Variants in SH3PXD2A observed in about 807,000 individuals in gnomAD.
SH3PXD2A encodes the protein SH3 and PX domain-containing protein 2A.
Under a neutral mutation model 115.2 loss-of-function variants are expected in SH3PXD2A, and 32 were observed. The observed-to-expected ratio is 0.28, with a 90% CI of 0.21 to 0.37. The LOEUF (loss-of-function observed/expected upper bound fraction) is 0.37. Ranked by LOEUF, SH3PXD2A falls within the 10% of genes least tolerant of loss-of-function variation. SH3PXD2A has a pLI of 1.00. For missense variants in SH3PXD2A, 1,328 were observed against 1,498.7 expected, an observed-to-expected ratio of 0.89 and a Z score of 1.88; for synonymous variants, 610 against 629.1, an observed-to-expected ratio of 0.97 and a Z score of 0.45.
At chr10:103,789,587 C>A (rs1307274717) in intron 2 of SH3PXD2A, among the ~76,000 whole-genome samples, 1 of 152,272 alleles carries the variant, frequency 6.6e-6, no homozygotes, top group East Asian at 1.9e-4. Context: ...CAAAGATCCC[C>A]CTTCCCTTCA....
intron 1 of SH3PXD2A, among the ~76,000 whole-genome samples, chr10:103,815,754 T>A (rs866667824): frequency 4.0e-5 from 6 of 151,584 alleles, no homozygotes; most frequent in African/African-American, 1.5e-4. Context: ...CTGGGTGTGG[T>A]GGCACACGCC....
intron 11 of SH3PXD2A, among the ~76,000 whole-genome samples, chr10:103,615,300 C>G (rs2036494516): frequency 1.3e-5 from 2 of 152,198 alleles, no homozygotes; most frequent in African/African-American, 4.8e-5. Flanking sequence ...GCCCCGAGTG[C>G]TGTATTTGTG....
chr10:103,637,951 C>T (rs536673258), intron 8 of SH3PXD2A, among the ~76,000 whole-genome samples: 22 of 152,334 alleles, frequency 1.4e-4, no homozygotes, highest in African/African-American at 4.6e-4. Context: ...AGGCTGTCTG[C>T]GAGTGCTGTG....
rs1434198709 is a variant in SH3PXD2A, at chr10:103,665,401, C to A, written c.472+3207G>T. Among the ~76,000 whole-genome samples, 2 of 152,130 alleles carry A rather than the reference C, an allele frequency of 1.3e-5. No individual in the cohort carries two copies. Among genetic ancestry groups the A allele is most frequent in the Non-Finnish European group, 2.9e-5 (2 of 68,010 alleles). On this transcript the variant is annotated intron_variant, in intron 7 of 14. Transcript: ENST00000369774. The surrounding 1 kb of genome is among the most constrained non-coding windows in gnomAD (Gnocchi z 4.0). The stretch of plus-strand genomic sequence containing the variant: ...CCACTTTCCTGGAAAATTGGCCTGA[C>A]CTTCCTGAAGGCTGACTCTCTGGGA...
rs1008662760 is a variant in SH3PXD2A at position 103,853,728 on chromosome 10, C to A, written c.72+1467G>T. On this transcript the variant is annotated intron_variant, in intron 1 of 14. Coordinates refer to ENST00000369774, the MANE Select transcript of SH3PXD2A (RefSeq NM_001394015.1). ...AAACGCACCTGCCTGGGTCTCAGAG[C>A]AGAGTGCCATCTGTTGAATGCAGTG... Among the ~76,000 whole-genome samples the A allele has an allele frequency of 2.0e-5, 3 of 152,226 alleles. No individual in the cohort carries two copies. In the South Asian group the frequency reaches 6.2e-4, roughly 32 times the overall value.
intron 1 of SH3PXD2A, among the ~76,000 whole-genome samples, chr10:103,848,596 G>A (rs1442917548): frequency 6.6e-6 from 1 of 151,956 alleles, no homozygotes; most frequent in African/African-American, 2.4e-5. Context: ...ATCCACCCTC[G>A]GCTTTGCCCA....
intron 3 of SH3PXD2A, among the ~76,000 whole-genome samples, chr10:103,760,621 A>C (rs985395510): frequency 6.6e-5 from 10 of 150,952 alleles, no homozygotes; most frequent in South Asian, 4.2e-4. Flanking sequence ...AAAATATAAA[A>C]TATACAATAC....
chr10:103,705,253 G>T (rs2037967471), intron 5 of SH3PXD2A, among the ~76,000 whole-genome samples: 1 of 152,124 alleles, frequency 6.6e-6, no homozygotes, highest in African/African-American at 2.4e-5. Context: ...GAGCAGGCTT[G>T]TGCCCATGAA....
At chr10:103,604,106 C>A (rs2036264185) in intron 14 of SH3PXD2A, among the ~76,000 whole-genome samples, 1 of 152,218 alleles carries the variant, frequency 6.6e-6, no homozygotes, top group South Asian at 2.1e-4. Flanking sequence ...CCAGTCCCTA[C>A]AATCCTGCCA....
chr10:103,806,975 G>T (rs894372938), intron 1 of SH3PXD2A, among the ~76,000 whole-genome samples: 2 of 152,208 alleles, frequency 1.3e-5, no homozygotes, highest in African/African-American at 4.8e-5. Flanking sequence ...CCCATCCAGA[G>T]GTCATCTTGG....
chr10:103,788,982 T>G (rs2039006261), intron 2 of SH3PXD2A, among the ~76,000 whole-genome samples: 1 of 152,280 alleles, frequency 6.6e-6, no homozygotes, highest in East Asian at 1.9e-4. Context: ...GGGCTGCTGA[T>G]GAGGGAATCA....
intron 8 of SH3PXD2A, among the ~76,000 whole-genome samples, chr10:103,652,558 G>C (rs2037143495): frequency 6.6e-6 from 1 of 152,236 alleles, no homozygotes; most frequent in Non-Finnish European, 1.5e-5. Context: ...AAGCTGGGGA[G>C]AGAATGAGGA....
At chr10:103,640,332 AAAAG>A in intron 8 of SH3PXD2A, among the ~76,000 whole-genome samples, 2 of 152,030 alleles carry the variant, frequency 1.3e-5, no homozygotes, top group East Asian at 3.9e-4. Context: ...TAAAAAAAAA[AAAAG>A]AAAGAGCTAA....
At chr10:103,675,122 C>T (rs73332603) in intron 6 of SH3PXD2A, among the ~76,000 whole-genome samples, 3,493 of 152,184 alleles carry the variant, frequency 0.023, 132 homozygotes, top group African/African-American at 0.078. Flanking sequence ...ATTGCAGCAG[C>T]TCGGACCCCA....
At chr10:103,658,347 C>A (rs1181480328) in intron 8 of SH3PXD2A, among the ~76,000 whole-genome samples, 2 of 152,218 alleles carry the variant, frequency 1.3e-5, no homozygotes, top group Non-Finnish European at 2.9e-5. Context: ...CATTGCCCAA[C>A]AACGCAAATG....
Position 103,691,704 on chromosome 10 carries a change from C to T in SH3PXD2A, c.427+1324G>A, listed in dbSNP as rs183661209. Among the ~76,000 whole-genome samples, 27 of 152,218 alleles carry T rather than the reference C, an allele frequency of 1.8e-4. No homozygotes were observed. In the Middle Eastern group the frequency reaches 0.014, roughly 77 times the overall value. On this transcript the variant is annotated intron_variant, in intron 6 of 14. Transcript: ENST00000369774. ...CATGTCCCAAACTGGTACACAAATA[C>T]ACACAAACACAGACTCCAACCCATA... is the stretch of plus-strand genomic sequence containing the variant.
intron 1 of SH3PXD2A, among the ~76,000 whole-genome samples, chr10:103,809,183 G>A (rs960490686): frequency 3.9e-5 from 6 of 152,102 alleles, no homozygotes; most frequent in Non-Finnish European, 8.8e-5. Flanking sequence ...GAGAGGTGAC[G>A]CTGCAGATTT....
At chr10:103,763,659 C>A (rs1423465914) in intron 3 of SH3PXD2A, among the ~76,000 whole-genome samples, 1 of 152,196 alleles carries the variant, frequency 6.6e-6, no homozygotes, top group Non-Finnish European at 1.5e-5. Flanking sequence ...CTGTCCTGAG[C>A]CCCTGTACCA....
At chr10:103,739,163 G>A (rs1025400504) in intron 3 of SH3PXD2A, among the ~76,000 whole-genome samples, 1 of 152,166 alleles carries the variant, frequency 6.6e-6, no homozygotes, top group Non-Finnish European at 1.5e-5. Context: ...AGGTAGATGA[G>A]AGGGTGCTCC....
Sources: gnomAD v4.1 joint callset for allele counts (sites outside exome capture counted in the v4.1 genomes callset) on GRCh38, gnomAD v4.1.1 for gene constraint, Gnocchi (gnomAD v3.1) non-coding constraint, MANE v1.5 for transcripts, NCBI Gene and HGNC (gene_info 2026-07-23, HGNC 2026-07-21) for gene names.